FER: variants seen among roughly 807,000 people sequenced by gnomAD.
FER encodes tyrosine-protein kinase Fer.
A neutral mutation model predicts 111.0 loss-of-function variants in FER; 63 were observed. That is an observed-to-expected ratio of 0.57 (90% CI 0.46 to 0.70). FER has a LOEUF of 0.70. Among genes scored for constraint, FER ranks in the 30% least tolerant of loss-of-function variants. The probability of loss-of-function intolerance (pLI) is 0.00; values close to 1 mark genes in which losing one functional copy is unlikely to be tolerated. For synonymous variants in FER, 327 were observed against 313.9 expected, an observed-to-expected ratio of 1.04 and a Z score of -0.44; for missense variants, 914 against 954.0, an observed-to-expected ratio of 0.96 and a Z score of 0.55.
chr5:109,165,595 T>TGG (rs1756451371), intron 17 of FER, among the ~76,000 whole-genome samples: 1 of 45,804 alleles, frequency 2.2e-5, no homozygotes, highest in Admixed American at 2.1e-4. Context: ...AGGGAACTGG[T>TGG]GTGTGTGTGT....
rs780503571 is a variant in FER, at chr5:108,897,650, C to A, written c.1047-9C>A. On this transcript the variant is annotated splice_polypyrimidine_tract_variant and intron_variant, in intron 9 of 19. Coordinates refer to ENST00000281092, the MANE Select transcript of FER (RefSeq NM_005246.4). The stretch of plus-strand genomic sequence containing the variant: ...GAAGTTGAAATCATTTATATTTATT[C>A]TCTTTTAGTATTGTGCTTCTGCTAA... The A allele has an allele frequency of 4.6e-6, 7 of 1,515,818 alleles. No individual in the cohort carries two copies. In the South Asian group the frequency reaches 5.4e-5, roughly 12 times the overall value. The allele number at this position is 1,515,818 out of a possible 1,614,324, so 93.9% of individuals were successfully genotyped here.
At chr5:109,052,485 A>G in intron 16 of FER, 1 of 1,007,184 alleles carries the variant, frequency 9.9e-7, no homozygotes. Context: ...CTTTTGCTTA[A>G]AAGAAGTGAA....
At chr5:108,856,115 C>T (rs1762983215) in intron 5 of FER, among the ~76,000 whole-genome samples, 2 of 151,878 alleles carry the variant, frequency 1.3e-5, no homozygotes, top group Non-Finnish European at 2.9e-5. Flanking sequence ...ATAGATTAGT[C>T]TTCACTTTGA....
rs541409675 is a variant in FER at position 109,103,204 on chromosome 5, G to C, written c.2048+2685G>C. ...GCATGTCTATGAATTACAAAGCCAA[G>C]CTTTGTGTCCAGCAAATTCTAGCAA... On this transcript the variant is annotated intron_variant, in intron 17 of 19. Coordinates refer to ENST00000281092, the MANE Select transcript of FER (RefSeq NM_005246.4). Among the ~76,000 whole-genome samples the C allele has an allele frequency of 6.3e-4, 96 of 152,102 alleles. 2 individuals are homozygous for C. Among genetic ancestry groups the C allele is most frequent in the African/African-American group, 2.1e-3 (86 of 41,526 alleles).
At chr5:109,033,882 G>A (rs1769990827) in intron 13 of FER, among the ~76,000 whole-genome samples, 1 of 151,952 alleles carries the variant, frequency 6.6e-6, no homozygotes, top group Admixed American at 6.6e-5. Flanking sequence ...ATATATTTAT[G>A]GGTATGAGTA....
intron 16 of FER, among the ~76,000 whole-genome samples, chr5:109,057,181 A>G (rs972946032): frequency 9.2e-5 from 14 of 152,222 alleles, no homozygotes; most frequent in Non-Finnish European, 2.1e-4. Context: ...CCACTAAAAG[A>G]AGAAAGGACT....
rs569569997 is a variant in FER at position 108,955,932 on chromosome 5, T to C, written c.1533+1000T>C. On this transcript the variant is annotated intron_variant, in intron 12 of 19. Coordinates refer to ENST00000281092, the MANE Select transcript of FER (RefSeq NM_005246.4). The stretch of plus-strand genomic sequence containing the variant: ...CCATACAATTAATCATTTTAAAATG[T>C]AGGATTCAGTGGCATTTAGTACATT... 4.0e-5 allele frequency among the ~76,000 whole-genome samples: 6 copies of C among 151,880 alleles called. No homozygotes were observed. In the East Asian group the frequency reaches 1.2e-3, roughly 29 times the overall value.
At chr5:108,760,721 G>A (rs1032946294) in intron 1 of FER, among the ~76,000 whole-genome samples, 2 of 152,152 alleles carry the variant, frequency 1.3e-5, no homozygotes, top group Non-Finnish European at 2.9e-5. Flanking sequence ...GCCTTGTTCT[G>A]GGTTAGGCCT....
At position 108,867,960 on chromosome 5, in the gene FER, A is replaced by G. The variant is rs1209870718; in HGVS notation, c.665+10A>G. ...AAATGATAAAAGCACTGTAAGATAC[A>G]TTTTCTTTTTATCATAAAATCCCTT... On this transcript the variant is annotated intron_variant, in intron 6 of 19. Coordinates refer to ENST00000281092, the MANE Select transcript of FER (RefSeq NM_005246.4). 6 of 1,589,370 alleles carry G rather than the reference A, an allele frequency of 3.8e-6. No individual in the cohort carries two copies. The African/African-American group carries it at 5.4e-5, about 14-fold the overall frequency.
intron 16 of FER, among the ~76,000 whole-genome samples, chr5:109,082,604 C>G (rs1467212175): frequency 6.6e-6 from 1 of 151,470 alleles, no homozygotes; most frequent in Non-Finnish European, 1.5e-5. Flanking sequence ...TATTAAACTC[C>G]TACTGAGAGT....
At chr5:108,961,535 T>C (rs183301265) in intron 13 of FER, among the ~76,000 whole-genome samples, 10 of 152,300 alleles carry the variant, frequency 6.6e-5, no homozygotes, top group Non-Finnish European at 1.5e-4. Flanking sequence ...AAATATATAC[T>C]GGATGCTGTA....
chr5:109,073,220 A>G (rs1775963205), intron 16 of FER, among the ~76,000 whole-genome samples: 1 of 152,164 alleles, frequency 6.6e-6, no homozygotes, highest in Admixed American at 6.5e-5. Flanking sequence ...GTTATGTTAT[A>G]TTGAAAGACA....
intron 4 of FER, among the ~76,000 whole-genome samples, 159 bp from the exon 5 acceptor site, chr5:108,835,549 A>C (rs1019649799): frequency 1.3e-5 from 2 of 152,164 alleles, no homozygotes; most frequent in Non-Finnish European, 2.9e-5. Context: ...ACTGATTTTT[A>C]AAACATACTT....
Position 109,047,144 on chromosome 5 carries a change from A to G in FER, c.1870A>G (p.Ile624Val). Residue 624 changes from isoleucine to valine, a missense_variant, in exon 16 of 20, where the codon ATA (isoleucine) becomes GTA (valine). Around this residue, in one of 3 missense-constraint regions of FER, gnomAD observed 774 missense variants for 782.6 expected, o/e 0.99. Coordinates refer to ENST00000281092, the MANE Select transcript of FER (RefSeq NM_005246.4). ...TGATCATCCCAATATTGTCAAACTTATAGGAGTTTGCACACAAAGACAGCC... is the reference window on the plus strand; with the variant it reads ...TGATCATCCCAATATTGTCAAACTTGTAGGAGTTTGCACACAAAGACAGCC... ...QYDHPNIVKL[I>V]GVCTQRQPVY... 1 of 1,608,618 alleles carries G rather than the reference A, an allele frequency of 6.2e-7. No individual in the cohort carries two copies. The highest frequency in any genetic ancestry group is 8.5e-7 in the Non-Finnish European group (1 of 1,176,904).
chr5:109,061,685 C>T (rs903471056), intron 16 of FER, among the ~76,000 whole-genome samples: 2 of 152,104 alleles, frequency 1.3e-5, no homozygotes, highest in African/African-American at 2.4e-5. Context: ...ATAAATAGCT[C>T]GTTTCAGTAA....
At chr5:108,933,396 A>G (rs546188194) in intron 10 of FER, among the ~76,000 whole-genome samples, 1 of 152,246 alleles carries the variant, frequency 6.6e-6, no homozygotes, top group East Asian at 1.9e-4. Context: ...CAAAGATTAG[A>G]TGGTTATAGA....
chr5:108,825,188 C>T (rs909579696), intron 3 of FER, among the ~76,000 whole-genome samples: 1 of 152,078 alleles, frequency 6.6e-6, no homozygotes, highest in Non-Finnish European at 1.5e-5. Flanking sequence ...TGAGATCAAC[C>T]GGTCTGACCA....
chr5:109,065,013 C>T (rs890158851), intron 16 of FER, among the ~76,000 whole-genome samples: 2 of 151,868 alleles, frequency 1.3e-5, no homozygotes, highest in African/African-American at 4.8e-5. Context: ...ATATTTGATG[C>T]AAATGTTAGA....
intron 16 of FER, among the ~76,000 whole-genome samples, chr5:109,077,883 ATAAT>A (rs1776530761): frequency 6.6e-6 from 1 of 152,200 alleles, no homozygotes; most frequent in Non-Finnish European, 1.5e-5. Context: ...GTAATCATAA[ATAAT>A]TTGATTTGTT....
Sources: gnomAD v4.1 joint callset for allele counts (sites outside exome capture counted in the v4.1 genomes callset) on GRCh38, gnomAD v4.1.1 for gene constraint, gnomAD v4.1.1 regional missense constraint, MANE v1.5 for transcripts, NCBI Gene and HGNC (gene_info 2026-07-23, HGNC 2026-07-21) for gene names.